Variants in ATRN observed in about 807,000 individuals in gnomAD.
The protein encoded by ATRN is attractin, also known as attractin-2.
A neutral mutation model predicts 178.7 loss-of-function variants in ATRN; 54 were observed. That is an observed-to-expected ratio of 0.30 (90% CI 0.24 to 0.38). The LOEUF (loss-of-function observed/expected upper bound fraction) is 0.38. ATRN is among the 10% of genes least tolerant of loss of function. The pLI, the probability that ATRN is intolerant of heterozygous loss-of-function variation, is 1.00. For missense variants in ATRN, 1,443 were observed against 1,815.1 expected (o/e 0.79, Z 3.73); for synonymous variants, 636 against 663.0 (o/e 0.96, Z 0.63).
At chr20:3,556,309 A>G (rs2085875694) in intron 6 of ATRN, among the ~76,000 whole-genome samples, 1 of 152,234 alleles carries the variant, frequency 6.6e-6, no homozygotes, top group Non-Finnish European at 1.5e-5. Flanking sequence ...TGATCAAGTT[A>G]TTGAGCTTTT....
chr20:3,586,302 AAAC>A (rs1217235914), intron 18 of ATRN, among the ~76,000 whole-genome samples: 1 of 152,244 alleles, frequency 6.6e-6, no homozygotes, highest in Non-Finnish European at 1.5e-5. Context: ...TACCCTAAAA[AAAC>A]ATGCTATGTA....
In ATRN at chr20:3,471,367, C is replaced by T. The variant is rs542464289; in HGVS notation, c.260C>T (p.Ala87Val). 4.8e-5 allele frequency: 71 copies of T among 1,482,096 alleles called. 1 individual carries two copies. Among genetic ancestry groups the T allele is most frequent in the Non-Finnish European group, 5.6e-5 (63 of 1,125,968 alleles). The allele number at this position is 1,482,096 out of a possible 1,614,324, so 91.8% of individuals were successfully genotyped here. ...LPCEAEAAAA[A>V]AAVSGSAAAE... ...TGTGAGGCCGAGGCCGCGGCGGCGG[C>T]GGCGGCGGTGTCGGGCTCAGCCGCA... Residue 87 changes from alanine to valine, a missense_variant, in exon 1 of 29, where the codon GCG becomes GTG. Coordinates refer to ENST00000262919, the MANE Select transcript of ATRN (RefSeq NM_139321.3).
At chr20:3,551,524 T>C (rs75749268) in intron 6 of ATRN, among the ~76,000 whole-genome samples, 2,534 of 152,148 alleles carry the variant, frequency 0.017, 78 homozygotes, top group African/African-American at 0.057. Context: ...TGTACAGGAA[T>C]CTCTATCTCC....
rs1345499104 is a variant in ATRN, at chr20:3,638,680, A to C, written c.3943-148A>C. The C allele has an allele frequency of 1.5e-6, 1 of 645,460 alleles. No individual in the cohort carries two copies. Among genetic ancestry groups the C allele is most frequent in the Admixed American group, 3.0e-5 (1 of 33,372 alleles). 40.0% of individuals were successfully genotyped at this position (645,460 alleles called of 1,614,324 possible). A position where few individuals can be genotyped will look rare whatever the true frequency, so the allele number is the denominator to read the frequency against. On this transcript the variant is annotated intron_variant, in intron 26 of 28. Coordinates refer to ENST00000262919, the MANE Select transcript of ATRN (RefSeq NM_139321.3). The surrounding 1 kb of genome is among the most constrained non-coding windows in gnomAD (Gnocchi z 4.5). Reference sequence around the variant, plus strand: ...ATCCAACAAAATTTAGTAATCCCTAATGTTATCTAATATCAAGTCTAAAAA... The same window carrying C: ...ATCCAACAAAATTTAGTAATCCCTACTGTTATCTAATATCAAGTCTAAAAA...
At chr20:3,611,886 A>T (rs1201622121) in intron 24 of ATRN, among the ~76,000 whole-genome samples, 2 of 152,218 alleles carry the variant, frequency 1.3e-5, no homozygotes, top group Non-Finnish European at 2.9e-5. Flanking sequence ...TCACTCATAC[A>T]TTGTTGGTGG....
rs982808509 is a variant in ATRN, at chr20:3,645,083, G to A, written c.4165+815G>A. On this transcript the variant is annotated intron_variant, in intron 28 of 28. Coordinates refer to ENST00000262919, the MANE Select transcript of ATRN (RefSeq NM_139321.3). The surrounding 1 kb of genome is among the most constrained non-coding windows in gnomAD (Gnocchi z 4.7). ...TGGAATACAGTTTTGAAAGTATCTC[G>A]CTTAATTACAGAGTGCTTTGGAGGA... Among the ~76,000 whole-genome samples the A allele has an allele frequency of 2.0e-5, 3 of 152,066 alleles. No individual in the cohort carries two copies. The highest frequency in any genetic ancestry group is 7.2e-5 in the African/African-American group (3 of 41,394).
At chr20:3,566,846 G>A (rs1272710233) in intron 11 of ATRN, among the ~76,000 whole-genome samples, 2 of 139,352 alleles carry the variant, frequency 1.4e-5, no homozygotes, top group African/African-American at 2.7e-5. Flanking sequence ...GGCGGAAATT[G>A]CAGTGAGCCA....
At chr20:3,519,097 C>T (rs1483800391) in intron 1 of ATRN, among the ~76,000 whole-genome samples, 1 of 151,180 alleles carries the variant, frequency 6.6e-6, no homozygotes, top group Non-Finnish European at 1.5e-5. Context: ...GCCATTGTAG[C>T]AAGAGGCAAG....
At chr20:3,525,321 C>T (rs920728236) in intron 1 of ATRN, among the ~76,000 whole-genome samples, 2 of 152,188 alleles carry the variant, frequency 1.3e-5, no homozygotes, top group Admixed American at 1.3e-4. Flanking sequence ...CATTCCTGAA[C>T]ACATACACCC....
intron 4 of ATRN, 108 bp downstream of exon 4, chr20:3,545,998 A>G: frequency 8.2e-7 from 1 of 1,214,810 alleles, no homozygotes; most frequent in South Asian, 1.4e-5. Context: ...AGCGTCAGGC[A>G]GTTTACATGG....
At chr20:3,634,213 T>C (rs1048351899) in intron 25 of ATRN, 98 bp from the exon 26 acceptor site, 43 of 1,020,054 alleles carry the variant, frequency 4.2e-5, no homozygotes, top group Non-Finnish European at 5.9e-5. Flanking sequence ...GGAGGTGGCA[T>C]GTGGGAGCTG....
chr20:3,562,274 A>G lies in ATRN; in HGVS notation c.1448-2A>G. On this transcript the variant is annotated splice_acceptor_variant, in intron 8 of 28. Coordinates refer to ENST00000262919, the MANE Select transcript of ATRN (RefSeq NM_139321.3). LOFTEE classifies it high-confidence loss of function. ...TTGCCTTTAACTGTCTTTCCTTTCC[A>G]GATAAGAACACATGGAGTATATTAC... The G allele has an allele frequency of 6.2e-7, 1 of 1,608,280 alleles. No homozygotes were observed. The highest frequency in any genetic ancestry group is 8.5e-7 in the Non-Finnish European group (1 of 1,176,916).
chr20:3,638,733 A>G lies in ATRN; in HGVS notation c.3943-95A>G. 2 of 1,009,898 alleles carry G rather than the reference A, an allele frequency of 2.0e-6. No individual in the cohort carries two copies. Among genetic ancestry groups the G allele is most frequent in the South Asian group, 1.5e-5 (1 of 65,820 alleles). 62.6% of individuals were successfully genotyped at this position (1,009,898 alleles called of 1,614,324 possible). ...ATCATTTTGGACTTGATTTGTTTGA[A>G]TCAGGGAGGATGAGGTGTTTTTAAC... On this transcript the variant is annotated intron_variant, in intron 26 of 28. Coordinates refer to ENST00000262919, the MANE Select transcript of ATRN (RefSeq NM_139321.3). The surrounding 1 kb of genome is among the most constrained non-coding windows in gnomAD (Gnocchi z 4.5).
chr20:3,554,733 T>C (rs1041606914), intron 6 of ATRN, among the ~76,000 whole-genome samples: 7 of 152,170 alleles, frequency 4.6e-5, no homozygotes, highest in African/African-American at 1.7e-4. Context: ...GCAAAACTTT[T>C]TAGTTGCATT....
chr20:3,533,025 G>T (rs940992978), intron 1 of ATRN, among the ~76,000 whole-genome samples: 3 of 152,162 alleles, frequency 2.0e-5, no homozygotes, highest in African/African-American at 7.2e-5. Flanking sequence ...GCCTCCCAAA[G>T]TGCTGGGATT....
In ATRN at chr20:3,547,488, G is replaced by GGGTA. The variant is rs767309450; in HGVS notation, c.943+2_943+5dup. On this transcript the variant is annotated frameshift_variant and splice_region_variant, in exon 5 of 29. Transcript: ENST00000262919. LOFTEE classifies it high-confidence loss of function. Reference sequence around the variant, plus strand: ...GATGCTCCTGCTTCTCAGACTGGCAGGGTAGGAGCTTCTTTCATTTTTATT... The same window carrying GGGTA: ...GATGCTCCTGCTTCTCAGACTGGCAGGGTAGGTAGGAGCTTCTTTCATTTTTATT... 192 of 1,606,516 alleles carry GGGTA rather than the reference G, an allele frequency of 1.2e-4. 1 individual carries two copies. In the East Asian group the frequency reaches 4.2e-3, roughly 35 times the overall value.
rs2146225135 is a variant in ATRN at position 3,563,144 on chromosome 20, A to G, written c.1632-65A>G. The G allele has an allele frequency of 3.5e-6, 5 of 1,415,276 alleles. 1 individual carries two copies. In the South Asian group the frequency reaches 6.8e-5, roughly 19 times the overall value. The allele number at this position is 1,415,276 out of a possible 1,614,324, so 87.7% of individuals were successfully genotyped here. A position where few individuals can be genotyped will look rare whatever the true frequency, so the allele number is the denominator to read the frequency against. The stretch of plus-strand genomic sequence containing the variant: ...TTAATAAAGTGGTTGTGCTTGCATT[A>G]GCAGATACATAAATATTCTTTAAAA... On this transcript the variant is annotated intron_variant, in intron 9 of 28. Transcript: ENST00000262919.
chr20:3,501,956 A>G (rs2084970651), intron 1 of ATRN, among the ~76,000 whole-genome samples: 1 of 151,896 alleles, frequency 6.6e-6, no homozygotes, highest in Non-Finnish European at 1.5e-5. Flanking sequence ...TGAACTCAAA[A>G]TAGATCAGCT....
intron 1 of ATRN, among the ~76,000 whole-genome samples, chr20:3,521,282 C>T (rs238706): frequency 0.27 from 40,568 of 151,456 alleles, 5,982 homozygotes; most frequent in African/African-American, 0.33. Flanking sequence ...CGGCAACACG[C>T]AATTTACGCA....
Sources: gnomAD v4.1 joint callset for allele counts (sites outside exome capture counted in the v4.1 genomes callset) on GRCh38, gnomAD v4.1.1 for gene constraint, Gnocchi (gnomAD v3.1) non-coding constraint, MANE v1.5 for transcripts, NCBI Gene and HGNC (gene_info 2026-07-23, HGNC 2026-07-21) for gene names.